Variants in IL5RA observed in about 807,000 individuals in gnomAD.
IL5RA encodes the protein interleukin-5 receptor subunit alpha.
A neutral mutation model predicts 50.0 loss-of-function variants in IL5RA; 49 were observed. The ratio of observed to expected loss-of-function variants is 0.98; its 90% confidence interval spans 0.78 to 1.24. IL5RA has a LOEUF of 1.24. Ranked by LOEUF, IL5RA falls within the 50% of genes most tolerant of loss-of-function variation. The probability of loss-of-function intolerance (pLI) is 0.00; values close to 1 mark genes in which losing one functional copy is unlikely to be tolerated. For missense variants in IL5RA, 600 were observed against 500.4 expected, an observed-to-expected ratio of 1.20 and a Z score of -1.90; for synonymous variants, 202 against 174.0, an observed-to-expected ratio of 1.16 and a Z score of -1.26.
In IL5RA at chr3:3,104,930, G is replaced by T. The variant is rs1207244826; in HGVS notation, c.55C>A (p.Gln19Lys). 1.2e-6 allele frequency: 2 copies of T among 1,612,094 alleles called. No homozygotes were observed. Among genetic ancestry groups the T allele is most frequent in the Non-Finnish European group, 1.7e-6 (2 of 1,178,282 alleles). Residue 19 changes from glutamine (Q) to lysine (K), a missense_variant, in exon 3 of 12, where the codon CAA (glutamine) becomes AAA (lysine). Gln to Lys is a moderately conservative substitution (Grantham distance 53, BLOSUM62 1). Coordinates refer to ENST00000446632, the MANE Select transcript of IL5RA (RefSeq NM_175726.4). Reference protein sequence around the residue: ...LILLGATEILQADLLPDEKIS... With the variant: ...LILLGATEILKADLLPDEKIS... ...TTTTCATCAGGAAGTAAGTCAGCTT[G>T]CAGTATCTCAGTGGCCCCCAAAAGG...
chr3:3,073,295 T>C (rs1352768993), intron 11 of IL5RA, among the ~76,000 whole-genome samples: 2 of 152,228 alleles, frequency 1.3e-5, no homozygotes, highest in African/African-American at 2.4e-5. Flanking sequence ...CATCCAATCA[T>C]GAGTTACTTC....
At chr3:3,077,772 C>A (rs115943415) in intron 9 of IL5RA, among the ~76,000 whole-genome samples, 2,072 of 152,184 alleles carry the variant, frequency 0.014, 28 homozygotes, top group Non-Finnish European at 0.02. Context: ...TGTCCCCCAC[C>A]AGCCCCCCTG....
Position 3,099,818 on chromosome 3 carries a change from T to C in IL5RA, c.368-1528A>G, listed in dbSNP as rs923455174. On this transcript the variant is annotated intron_variant, in intron 5 of 11. Transcript: ENST00000446632. ...CCGAGTAACTGGGATTACAGGCACGTGCCACCACACTCAGCTAATTTTTGT... is the reference window on the plus strand; with the variant it reads ...CCGAGTAACTGGGATTACAGGCACGCGCCACCACACTCAGCTAATTTTTGT... Among the ~76,000 whole-genome samples, 8 of 151,936 alleles carry C rather than the reference T, an allele frequency of 5.3e-5. No homozygotes were observed. In the East Asian group the frequency reaches 1.2e-3, roughly 22 times the overall value.
intron 9 of IL5RA, among the ~76,000 whole-genome samples, chr3:3,088,129 G>C (rs769454105): frequency 2.0e-5 from 3 of 152,108 alleles, no homozygotes; most frequent in Non-Finnish European, 4.4e-5. Flanking sequence ...GTGTTATTTA[G>C]GAAATAATAA....
At position 3,067,133 on chromosome 3, in the gene IL5RA, TCA is replaced by T. The variant is rs1344848919; in HGVS notation, c.*3090_*3091del. The T allele has an allele frequency of 6.6e-6, 1 of 152,256 alleles. No individual in the cohort carries two copies. Among genetic ancestry groups the T allele is most frequent in the Non-Finnish European group, 1.5e-5 (1 of 68,058 alleles). 9.4% of individuals were successfully genotyped at this position (152,256 alleles called of 1,614,324 possible). A position where few individuals can be genotyped will look rare whatever the true frequency, so the allele number is the denominator to read the frequency against. ...GGCTGGTGAGAACAGTATAGACCAC[TCA>T]CAGTGAGCCACTTCTGAAATGCCTC... On this transcript the variant is annotated 3_prime_UTR_variant, in exon 12 of 12. Transcript: ENST00000446632.
At chr3:3,079,480 C>A (rs532448158) in intron 9 of IL5RA, among the ~76,000 whole-genome samples, 3 of 152,176 alleles carry the variant, frequency 2.0e-5, no homozygotes, top group Non-Finnish European at 4.4e-5. Context: ...GTCGTCACTG[C>A]GTACCCAGTG....
chr3:3,087,966 C>T (rs754705829), intron 9 of IL5RA, among the ~76,000 whole-genome samples: 76 of 151,926 alleles, frequency 5.0e-4, no homozygotes, highest in Admixed American at 1.8e-3. Context: ...GGAGTAAATT[C>T]CAGAAAGGAT....
chr3:3,090,219 C>T (rs1235690220), intron 9 of IL5RA: 11 of 1,610,154 alleles, frequency 6.8e-6, no homozygotes, highest in African/African-American at 1.3e-5. Flanking sequence ...CGGTGTGGGG[C>T]AGGAAAGCTG....
rs1261080839 is a variant in IL5RA, at chr3:3,098,000, A to G, written c.579T>C (p.Asn193=). ...AAGTCCTGGGAAACCAGCATGCGAT[A>G]TTTCTCCCCAGTGTGTCTTTGCTGT... is the stretch of plus-strand genomic sequence containing the variant. The part of the protein sequence containing the change: ...QEYSKDTLGR[N]IACWFPRTFI... The change falls in exon 7 of 12, where the codon AAT becomes AAC. Residue 193 remains asparagine (N), a synonymous_variant. Coordinates refer to ENST00000446632, the MANE Select transcript of IL5RA (RefSeq NM_175726.4). 5 of 1,614,080 alleles carry G rather than the reference A, an allele frequency of 3.1e-6. No homozygotes were observed. The highest frequency in any genetic ancestry group is 2.2e-5 in the South Asian group (2 of 91,082).
At chr3:3,104,267 G>A (rs556755317) in intron 3 of IL5RA, among the ~76,000 whole-genome samples, 2 of 152,272 alleles carry the variant, frequency 1.3e-5, no homozygotes, top group Non-Finnish European at 2.9e-5. Flanking sequence ...TCAAACTTCT[G>A]ACTTCAAGTG....
At chr3:3,075,836 A>G (rs1416261587) in intron 10 of IL5RA, among the ~76,000 whole-genome samples, 14 of 151,838 alleles carry the variant, frequency 9.2e-5, no homozygotes, top group Middle Eastern at 7.0e-3. Context: ...TCCTGACCTC[A>G]TGGTCCACCC....
At chr3:3,095,470 G>A (rs777702702) in intron 7 of IL5RA, 26 bp from the exon 8 acceptor site, 42 of 1,461,948 alleles carry the variant, frequency 2.9e-5, no homozygotes, top group Non-Finnish European at 3.8e-5. Flanking sequence ...AAAGATCAGT[G>A]ATTTTTTTTT....
chr3:3,072,453 CT>C (rs1162858789), intron 11 of IL5RA, among the ~76,000 whole-genome samples: 1 of 152,246 alleles, frequency 6.6e-6, no homozygotes, highest in African/African-American at 2.4e-5. Flanking sequence ...ACACACATGA[CT>C]TGATTTTAAT....
chr3:3,091,906 C>G, intron 9 of IL5RA: 1 of 848,572 alleles, frequency 1.2e-6, no homozygotes, highest in Middle Eastern at 5.2e-4. Context: ...TTTCTTCCCA[C>G]AGCTTGTGAG....
intron 7 of IL5RA, among the ~76,000 whole-genome samples, chr3:3,097,383 A>G (rs1338831093): frequency 2.0e-5 from 3 of 151,790 alleles, no homozygotes; most frequent in African/African-American, 7.3e-5. Flanking sequence ...TAGGGAAGGG[A>G]CTCAAATCAC....
At chr3:3,096,278 C>G (rs367632927) in intron 7 of IL5RA, among the ~76,000 whole-genome samples, 1 of 108,472 alleles carries the variant, frequency 9.2e-6, no homozygotes, top group Non-Finnish European at 1.9e-5. Context: ...AAATCTGTCT[C>G]AAAAAAAAAA....
chr3:3,070,123 G>A lies in IL5RA; in HGVS notation c.*102C>T. ...TTGCTTCGCAGGTAAATTGAGTGTTGCCTAAATTCTGAACACCTCTTAGCC... is the reference window on the plus strand; with the variant it reads ...TTGCTTCGCAGGTAAATTGAGTGTTACCTAAATTCTGAACACCTCTTAGCC... On this transcript the variant is annotated 3_prime_UTR_variant, in exon 12 of 12. Transcript: ENST00000446632. 3 of 720,868 alleles carry A rather than the reference G, an allele frequency of 4.2e-6. No individual in the cohort carries two copies. Among genetic ancestry groups the A allele is most frequent in the Non-Finnish European group, 7.3e-6 (3 of 412,538 alleles). The allele number at this position is 720,868 out of a possible 1,614,324, so 44.7% of individuals were successfully genotyped here.
intron 9 of IL5RA, chr3:3,090,210 G>T (rs140525458): frequency 2.5e-6 from 4 of 1,610,220 alleles, no homozygotes; most frequent in Admixed American, 3.4e-5. Flanking sequence ...TTTCAGATAC[G>T]GTGTGGGGCA....
At chr3:3,103,020 G>T in intron 3 of IL5RA, 200 bp from the exon 4 acceptor site, 1 of 443,988 alleles carries the variant, frequency 2.3e-6, no homozygotes. Context: ...GACTACAGGC[G>T]CATGCCACCA....
Sources: gnomAD v4.1 joint callset for allele counts (sites outside exome capture counted in the v4.1 genomes callset) on GRCh38, gnomAD v4.1.1 for gene constraint, MANE v1.5 for transcripts, NCBI Gene and HGNC (gene_info 2026-07-23, HGNC 2026-07-21) for gene names.